The following FSHR variants were observed in gnomAD, a reference collection of about 807,000 sequenced individuals.
FSHR encodes the protein follicle stimulating hormone receptor, also known as follicle-stimulating hormone receptor.
A neutral mutation model predicts 52.1 loss-of-function variants in FSHR; 46 were observed. That is an observed-to-expected ratio of 0.88 (90% CI 0.70 to 1.13). FSHR has a LOEUF of 1.13. Among genes scored for constraint, FSHR ranks in the 50% most tolerant of loss-of-function variants. FSHR has a pLI of 0.00. For synonymous variants in FSHR, 399 were observed against 309.6 expected (o/e 1.29, Z -3.03); for missense variants, 964 against 834.6 (o/e 1.16, Z -1.91).
intron 1 of FSHR, among the ~76,000 whole-genome samples, chr2:49,128,504 T>C (rs1439483476): frequency 1.4e-5 from 2 of 147,634 alleles, no homozygotes; most frequent in African/African-American, 2.5e-5. Context: ...AAAAAAAAAA[T>C]GCTAACACCT....
intron 1 of FSHR, among the ~76,000 whole-genome samples, chr2:49,082,534 G>A (rs976524595): frequency 6.6e-6 from 1 of 152,088 alleles, no homozygotes; most frequent in Non-Finnish European, 1.5e-5. Context: ...TGCTTCAGAC[G>A]ATCAAATTAC....
chr2:48,969,872 C>T (rs1036645507), intron 8 of FSHR, among the ~76,000 whole-genome samples: 1 of 152,172 alleles, frequency 6.6e-6, no homozygotes, highest in East Asian at 1.9e-4. Flanking sequence ...AAACCAAGAC[C>T]GGCTGGTGAG....
At chr2:49,013,519 TATATATAA>T (rs1667368347) in intron 4 of FSHR, among the ~76,000 whole-genome samples, 1 of 140,018 alleles carries the variant, frequency 7.1e-6, no homozygotes, top group Non-Finnish European at 1.5e-5. Context: ...TATATATAAA[TATATATAA>T]AAATATATAT....
At chr2:49,079,907 AAACTG>A (rs1670103148) in intron 1 of FSHR, among the ~76,000 whole-genome samples, 4 of 152,210 alleles carry the variant, frequency 2.6e-5, no homozygotes, top group Admixed American at 1.3e-4. Context: ...AAAGATACAT[AAACTG>A]AACTGTAGTT....
intron 6 of FSHR, among the ~76,000 whole-genome samples, chr2:48,983,788 GT>G (rs1185979907): frequency 6.6e-6 from 1 of 152,162 alleles, no homozygotes; most frequent in Non-Finnish European, 1.5e-5. Context: ...AATGTGGGCT[GT>G]GGCAGGGTGA....
At chr2:49,056,920 G>C (rs1669086970) in intron 2 of FSHR, among the ~76,000 whole-genome samples, 1 of 151,750 alleles carries the variant, frequency 6.6e-6, no homozygotes. Context: ...ATAATCAATG[G>C]GTAAAGAGGA....
chr2:49,003,462 A>C (rs1215353544), intron 4 of FSHR, among the ~76,000 whole-genome samples: 1 of 152,170 alleles, frequency 6.6e-6, no homozygotes, highest in Non-Finnish European at 1.5e-5. Flanking sequence ...TTCCTCCTGC[A>C]GACTTGCCCT....
chr2:49,095,274 C>G (rs1670780938), intron 1 of FSHR, among the ~76,000 whole-genome samples: 1 of 152,172 alleles, frequency 6.6e-6, no homozygotes, highest in Middle Eastern at 3.4e-3. Flanking sequence ...GGCACAAAGA[C>G]AAACATATAA....
chr2:49,132,968 TAAAAAAAA>T (rs34913428), intron 1 of FSHR, among the ~76,000 whole-genome samples: 3 of 48,648 alleles, frequency 6.2e-5, no homozygotes, highest in Non-Finnish European at 7.5e-5. Context: ...TAAAACTCAG[TAAAAAAAA>T]AAAAAAAAAA....
At chr2:49,153,380 C>A (rs939500237) in intron 1 of FSHR, among the ~76,000 whole-genome samples, 1 of 152,158 alleles carries the variant, frequency 6.6e-6, no homozygotes, top group African/African-American at 2.4e-5. Flanking sequence ...TTACTTCAGG[C>A]TTCCCTCACT....
At chr2:49,075,703 T>C (rs758113739) in intron 1 of FSHR, among the ~76,000 whole-genome samples, 1 of 152,118 alleles carries the variant, frequency 6.6e-6, no homozygotes, top group Non-Finnish European at 1.5e-5. Flanking sequence ...TCATGGCTTA[T>C]TGCAGCCTTG....
At chr2:49,020,206 C>T (rs1255493483) in intron 2 of FSHR, 46 bp from the exon 3 acceptor site, 1 of 1,473,490 alleles carries the variant, frequency 6.8e-7, no homozygotes, top group Non-Finnish European at 9.5e-7. Context: ...AGTTACACTC[C>T]TTGAATATTT....
chr2:49,109,598 C>G (rs1671353540), intron 1 of FSHR, among the ~76,000 whole-genome samples: 1 of 152,018 alleles, frequency 6.6e-6, no homozygotes, highest in Non-Finnish European at 1.5e-5. Flanking sequence ...AGGGCATCTC[C>G]TGTTTTAGCT....
At chr2:48,997,209 A>G (rs1389954873) in intron 4 of FSHR, 3 of 984,420 alleles carry the variant, frequency 3.0e-6, no homozygotes, top group Non-Finnish European at 3.6e-6. Flanking sequence ...TCTCTGTAAA[A>G]TGATTTTGTG....
intron 4 of FSHR, among the ~76,000 whole-genome samples, chr2:49,007,443 A>G (rs573467428): frequency 6.6e-6 from 1 of 152,168 alleles, no homozygotes; most frequent in African/African-American, 2.4e-5. Flanking sequence ...TGTGTAAAAA[A>G]CTGGAATTAT....
At chr2:48,988,637 A>T (rs1202146667) in intron 6 of FSHR, among the ~76,000 whole-genome samples, 1 of 152,198 alleles carries the variant, frequency 6.6e-6, no homozygotes, top group Non-Finnish European at 1.5e-5. Flanking sequence ...CTCCTTCCTG[A>T]TCTTTTTCTT....
At chr2:48,983,553 G>T (rs1305711775) in intron 6 of FSHR, among the ~76,000 whole-genome samples, 2 of 152,164 alleles carry the variant, frequency 1.3e-5, no homozygotes, top group Non-Finnish European at 2.9e-5. Flanking sequence ...TATTGAACAA[G>T]TGTTTATAAG....
chr2:49,073,344 A>G (rs1243081334), intron 1 of FSHR, among the ~76,000 whole-genome samples: 1 of 152,116 alleles, frequency 6.6e-6, no homozygotes, highest in Non-Finnish European at 1.5e-5. Context: ...TAGAACTGAT[A>G]AATGAATTAA....
intron 1 of FSHR, among the ~76,000 whole-genome samples, chr2:49,147,350 T>A (rs550630499): frequency 6.6e-6 from 1 of 152,142 alleles, no homozygotes; most frequent in Admixed American, 6.6e-5. Context: ...AAAGAAAAAG[T>A]ATAGTCCAAT....
Sources: allele counts gnomAD v4.1 joint callset (sites outside exome capture counted in the v4.1 genomes callset), GRCh38; gene constraint gnomAD v4.1.1; transcripts MANE v1.5; gene names NCBI Gene and HGNC (gene_info 2026-07-23, HGNC 2026-07-21).